Variants in TG observed in about 807,000 individuals in gnomAD.
TG encodes thyroglobulin, also known as thyroid hormones.
Under a neutral mutation model 324.7 loss-of-function variants are expected in TG, and 270 were observed. That is an observed-to-expected ratio of 0.83 (90% confidence interval 0.75 to 0.92). The LOEUF is 0.92. Among genes scored for constraint, TG ranks in the 40% least tolerant of loss-of-function variants. The probability of loss-of-function intolerance (pLI) is 0.00; values close to 1 mark genes in which losing one functional copy is unlikely to be tolerated. For synonymous variants in TG, 1,401 were observed against 1,327.0 expected (o/e 1.06, Z -1.21); for missense variants, 3,591 against 3,456.4 (o/e 1.04, Z -0.98).
At chr8:132,967,125 CCATCCATCCATCCATCCATCCAT>C (rs1828694887) in intron 30 of TG, among the ~76,000 whole-genome samples, 1 of 148,412 alleles carries the variant, frequency 6.7e-6, no homozygotes, top group Non-Finnish European at 1.5e-5. Flanking sequence ...ATCCATCCAT[CCATCCATCCATCCATCCATCCAT>C]CCATCCACCC....
intron 46 of TG, among the ~76,000 whole-genome samples, chr8:133,132,261 TG>T (rs549106492): frequency 1.9e-3 from 297 of 152,320 alleles, no homozygotes; most frequent in Admixed American, 5.1e-3. Context: ...CATTGTAGGA[TG>T]TTTAACAGCA....
At chr8:133,106,542 C>G in intron 43 of TG, 1 of 810,048 alleles carries the variant, frequency 1.2e-6, no homozygotes, top group Non-Finnish European at 1.5e-6. Flanking sequence ...GCTCCTCTGC[C>G]CTCATCACTC....
At chr8:133,049,991 G>C in intron 41 of TG, 1 of 1,601,370 alleles carries the variant, frequency 6.2e-7, no homozygotes, top group Admixed American at 1.7e-5. Context: ...CCCCTTCACT[G>C]TAAGAACAAG....
intron 27 of TG, among the ~76,000 whole-genome samples, chr8:132,960,140 C>T (rs1403489): frequency 0.75 from 114,641 of 151,868 alleles, 43,628 homozygotes; most frequent in African/African-American, 0.84. Flanking sequence ...CCATGGCACA[C>T]GTATACCTAT....
chr8:132,984,293 G>A (rs1404772837), intron 35 of TG, among the ~76,000 whole-genome samples: 2 of 152,214 alleles, frequency 1.3e-5, no homozygotes, highest in Non-Finnish European at 2.9e-5. Flanking sequence ...CAGGGCTGTG[G>A]CTAAAAGTAT....
intron 24 of TG, 90 bp downstream of exon 24, chr8:132,933,766 T>C: frequency 1.7e-6 from 2 of 1,173,914 alleles, no homozygotes; most frequent in Non-Finnish European, 1.3e-6. Context: ...GGCCAGGCGA[T>C]GGAATGAGGT....
At chr8:133,014,419 A>C (rs1834836397) in intron 37 of TG, among the ~76,000 whole-genome samples, 1 of 152,234 alleles carries the variant, frequency 6.6e-6, no homozygotes, top group East Asian at 1.9e-4. Flanking sequence ...GAGCTGTAGA[A>C]CAGGAAACAG....
chr8:133,016,968 G>A (rs1164101160), intron 37 of TG, among the ~76,000 whole-genome samples: 1 of 152,202 alleles, frequency 6.6e-6, no homozygotes, highest in Non-Finnish European at 1.5e-5. Flanking sequence ...GGACAAGGAG[G>A]GATTTGGACA....
intron 44 of TG, 52 bp from the exon 45 acceptor site, chr8:133,116,557 G>A: frequency 6.5e-7 from 1 of 1,540,392 alleles, no homozygotes; most frequent in South Asian, 1.1e-5. Flanking sequence ...CAGGCACCAT[G>A]GCCCATAGAG....
At chr8:133,077,005 A>G (rs1032367106) in intron 41 of TG, among the ~76,000 whole-genome samples, 2 of 152,142 alleles carry the variant, frequency 1.3e-5, no homozygotes, top group Admixed American at 1.3e-4. Flanking sequence ...CGACCCATCA[A>G]AGAAACTCAA....
intron 35 of TG, among the ~76,000 whole-genome samples, chr8:133,004,675 G>A (rs561503293): frequency 1.3e-5 from 2 of 152,176 alleles, no homozygotes; most frequent in African/African-American, 4.8e-5. Context: ...GGACACACAG[G>A]ACCACCCTGT....
chr8:133,039,847 G>A, intron 41 of TG: 2 of 1,361,224 alleles, frequency 1.5e-6, no homozygotes, highest in East Asian at 2.5e-5. Context: ...ACTTGTGGGG[G>A]GTGCTCACCC....
chr8:132,911,086 A>G (rs1039261982), intron 18 of TG, among the ~76,000 whole-genome samples: 2 of 152,204 alleles, frequency 1.3e-5, no homozygotes, highest in Non-Finnish European at 2.9e-5. Context: ...AGAGTTGGCT[A>G]AAGTTGTTTC....
chr8:132,994,864 T>C lies in TG; in HGVS notation c.6262+11452T>C, dbSNP rs73357243. The C allele has an allele frequency of 4.3e-3, 5,341 of 1,254,818 alleles. 186 individuals are homozygous for C. The African/African-American group carries it at 0.075, about 18-fold the overall frequency. 77.7% of individuals were successfully genotyped at this position (1,254,818 alleles called of 1,614,324 possible). A position where few individuals can be genotyped will look rare whatever the true frequency, so the allele number is the denominator to read the frequency against. ...CAGATGATGGAAAGCATTGGTTATC[T>C]TGCTGTGATGGAGTAAGATTGAGGT... On this transcript the variant is annotated intron_variant, in intron 35 of 47. Transcript: ENST00000220616.
intron 27 of TG, among the ~76,000 whole-genome samples, chr8:132,956,753 G>A (rs966246952): frequency 3.3e-5 from 5 of 152,114 alleles, no homozygotes; most frequent in African/African-American, 1.2e-4. Context: ...CTTTCAGGAT[G>A]AGTACCTGGG....
At chr8:132,961,146 C>A in intron 28 of TG, 73 bp downstream of exon 28, 1 of 1,418,822 alleles carries the variant, frequency 7.0e-7, no homozygotes, top group Non-Finnish European at 1.0e-6. Context: ...ACCTCTCATT[C>A]ACAGGGCACT....
At chr8:132,897,549 C>T in intron 11 of TG, 100 bp from the exon 12 acceptor site, 1 of 1,492,402 alleles carries the variant, frequency 6.7e-7, no homozygotes, top group Non-Finnish European at 9.3e-7. Context: ...AATAAGAAGG[C>T]CTCCTTATGT....
At chr8:133,091,617 T>C (rs552193683) in intron 41 of TG, among the ~76,000 whole-genome samples, 1 of 152,212 alleles carries the variant, frequency 6.6e-6, no homozygotes, top group South Asian at 2.1e-4. Flanking sequence ...TCTGTAGGTG[T>C]CTGGGTGTGT....
chr8:132,897,592 A>G (rs892953918), intron 11 of TG, 57 bp from the exon 12 acceptor site: 22 of 1,611,962 alleles, frequency 1.4e-5, no homozygotes, highest in Non-Finnish European at 1.9e-5. Context: ...GTTCTCAGCT[A>G]CAGAGCCCAC....
Sources: allele counts gnomAD v4.1 joint callset (sites outside exome capture counted in the v4.1 genomes callset), GRCh38; gene constraint gnomAD v4.1.1; transcripts MANE v1.5; gene names NCBI Gene and HGNC (gene_info 2026-07-23, HGNC 2026-07-21).